Variants in SLC22A24 observed in about 807,000 individuals in gnomAD.
SLC22A24 encodes solute carrier family 22 member 24, also known as steroid transmembrane transporter SLC22A24.
A neutral mutation model predicts 49.8 loss-of-function variants in SLC22A24; 53 were observed. The ratio of observed to expected loss-of-function variants is 1.06; its 90% CI spans 0.85 to 1.34. The LOEUF (loss-of-function observed/expected upper bound fraction) is 1.34. Among genes scored for constraint, SLC22A24 ranks in the 40% most tolerant of loss-of-function variants. SLC22A24 has a pLI of 0.00. For missense variants in SLC22A24, 786 were observed against 675.9 expected (o/e 1.16, Z -1.81); for synonymous variants, 302 against 256.4 (o/e 1.18, Z -1.70).
In SLC22A24 at chr11:63,093,385, A is replaced by G. The variant is rs551413982; in HGVS notation, c.1070+2606T>C. On this transcript the variant is annotated intron_variant, in intron 6 of 9. Coordinates refer to ENST00000612278, the MANE Select transcript of SLC22A24 (RefSeq NM_001136506.2). ...ATAAATCATTCTACCATAAAAACAC[A>G]TGCACACGTATGTTTATTGCAGCAC... Among the ~76,000 whole-genome samples the G allele has an allele frequency of 1.5e-4, 23 of 152,306 alleles. 1 individual carries two copies. In the East Asian group the frequency reaches 4.4e-3, roughly 29 times the overall value.
chr11:63,107,952 C>T (rs1220334523), intron 4 of SLC22A24, among the ~76,000 whole-genome samples: 1 of 152,044 alleles, frequency 6.6e-6, no homozygotes, highest in Non-Finnish European at 1.5e-5. Context: ...TTGCCCTGGC[C>T]AGAACTTCCA....
At chr11:63,090,565 C>A (rs1448396352) in intron 6 of SLC22A24, among the ~76,000 whole-genome samples, 2 of 151,900 alleles carry the variant, frequency 1.3e-5, no homozygotes, top group Admixed American at 6.6e-5. Flanking sequence ...CAAAACCACA[C>A]AACTACGTGG....
chr11:63,118,680 A>T, intron 4 of SLC22A24: 1 of 539,166 alleles, frequency 1.9e-6, no homozygotes, highest in Non-Finnish European at 3.3e-6. Context: ...TCTATTAAGA[A>T]AAATAATTTC....
At chr11:63,143,021 C>T (rs2087426344) in intron 1 of SLC22A24, among the ~76,000 whole-genome samples, 1 of 152,156 alleles carries the variant, frequency 6.6e-6, no homozygotes, top group Non-Finnish European at 1.5e-5. Flanking sequence ...TTTGTCAAAT[C>T]CCAAAGCGTG....
chr11:63,114,852 A>T (rs1447719896), intron 4 of SLC22A24, among the ~76,000 whole-genome samples: 2 of 151,910 alleles, frequency 1.3e-5, no homozygotes, highest in African/African-American at 4.8e-5. Context: ...CTGGAGGTCC[A>T]CTCCAGACCC....
intron 4 of SLC22A24, among the ~76,000 whole-genome samples, chr11:63,109,795 G>A (rs1252683013): frequency 6.6e-6 from 1 of 151,846 alleles, no homozygotes; most frequent in Non-Finnish European, 1.5e-5. Context: ...CATTTTGTAG[G>A]TTGCCTGTTC....
intron 4 of SLC22A24, among the ~76,000 whole-genome samples, chr11:63,118,022 T>A (rs961741316): frequency 6.6e-6 from 1 of 152,204 alleles, no homozygotes; most frequent in Non-Finnish European, 1.5e-5. Context: ...CATTTGTCAG[T>A]AAATATGTTT....
chr11:63,141,109 T>C (rs2134687479), intron 1 of SLC22A24, among the ~76,000 whole-genome samples: 1 of 152,240 alleles, frequency 6.6e-6, no homozygotes, highest in African/African-American at 2.4e-5. Flanking sequence ...TGATTGAAAA[T>C]TGTAAAGCGT....
chr11:63,110,831 A>G (rs1258403784), intron 4 of SLC22A24, among the ~76,000 whole-genome samples: 80 of 141,448 alleles, frequency 5.7e-4, no homozygotes, highest in Non-Finnish European at 1.1e-3. Flanking sequence ...CTAATTGAAT[A>G]CCCTTTATTT....
At chr11:63,119,959 G>A (rs1447028054) in intron 2 of SLC22A24, among the ~76,000 whole-genome samples, 1 of 151,852 alleles carries the variant, frequency 6.6e-6, no homozygotes, top group African/African-American at 2.4e-5. Flanking sequence ...CCCACTTTTT[G>A]ATGGGGTTGT....
Position 63,104,298 on chromosome 11 carries a change from C to A in SLC22A24, c.831G>T (p.Trp277Cys). ...TPIIVLFLSS[W>C]KMVESARWLI... The stretch of plus-strand genomic sequence containing the variant: ...GCCACCGAGCAGACTCCACCATCTT[C>A]CTGATGAAAGAAGACAACATAGGTA... Residue 277 changes from tryptophan (W) to cysteine (C), a missense_variant and splice_region_variant, in exon 5 of 10, where the codon TGG (tryptophan) becomes TGT (cysteine). Transcript: ENST00000612278. 4 of 1,547,828 alleles carry A rather than the reference C, an allele frequency of 2.6e-6. No homozygotes were observed. Among genetic ancestry groups the A allele is most frequent in the Non-Finnish European group, 3.5e-6 (4 of 1,146,158 alleles).
Position 63,134,647 on chromosome 11 carries a change from A to T in SLC22A24, c.506+18T>A. 7.2e-7 allele frequency: 1 copy of T among 1,391,922 alleles called. No individual in the cohort carries two copies. Among genetic ancestry groups the T allele is most frequent in the Non-Finnish European group, 1.0e-6 (1 of 1,002,686 alleles). 86.2% of individuals were successfully genotyped at this position (1,391,922 alleles called of 1,614,324 possible). On this transcript the variant is annotated intron_variant, in intron 2 of 9. Transcript: ENST00000612278. ...ATCATCTGATAAACAGCCCCAAAGA[A>T]AGTGAGATGACACTCACCTGTCTGA... is the stretch of plus-strand genomic sequence containing the variant.
At chr11:63,081,861 A>G (rs1226233334) in intron 7 of SLC22A24, among the ~76,000 whole-genome samples, 195 bp from the exon 8 acceptor site, 1 of 152,248 alleles carries the variant, frequency 6.6e-6, no homozygotes, top group Non-Finnish European at 1.5e-5. Context: ...TAAACATTGA[A>G]TAAAGGATCT....
At chr11:63,105,964 G>A (rs1274878918) in intron 4 of SLC22A24, among the ~76,000 whole-genome samples, 3 of 151,672 alleles carry the variant, frequency 2.0e-5, no homozygotes, top group Non-Finnish European at 4.4e-5. Context: ...AAGTTTTAGG[G>A]TACATGTGCA....
intron 2 of SLC22A24, among the ~76,000 whole-genome samples, chr11:63,132,054 C>A (rs894455121): frequency 1.3e-5 from 2 of 152,152 alleles, no homozygotes; most frequent in African/African-American, 4.8e-5. Flanking sequence ...GATATCCATT[C>A]TTCCACTTGA....
At chr11:63,080,465 C>T (rs1359627602) in intron 9 of SLC22A24, among the ~76,000 whole-genome samples, 1 of 152,144 alleles carries the variant, frequency 6.6e-6, no homozygotes, top group Non-Finnish European at 1.5e-5. Flanking sequence ...GCTGTAGTCC[C>T]ATGATTCTTT....
chr11:63,128,505 C>G (rs1362564320), intron 2 of SLC22A24, among the ~76,000 whole-genome samples: 1 of 152,158 alleles, frequency 6.6e-6, no homozygotes, highest in East Asian at 1.9e-4. Context: ...TATCCGGAGG[C>G]CTAACCATCT....
At chr11:63,105,026 G>A (rs970468985) in intron 4 of SLC22A24, among the ~76,000 whole-genome samples, 3 of 152,186 alleles carry the variant, frequency 2.0e-5, no homozygotes, top group Non-Finnish European at 4.4e-5. Context: ...AAAATGAAGG[G>A]GCTGCAGGCC....
intron 1 of SLC22A24, among the ~76,000 whole-genome samples, chr11:63,142,949 C>T (rs1163948554): frequency 6.6e-6 from 1 of 152,140 alleles, no homozygotes; most frequent in Non-Finnish European, 1.5e-5. Context: ...ACAACCAAAA[C>T]TAAGTATCTC....
Sources: allele counts gnomAD v4.1 joint callset (sites outside exome capture counted in the v4.1 genomes callset), GRCh38; gene constraint gnomAD v4.1.1; transcripts MANE v1.5; gene names NCBI Gene and HGNC (gene_info 2026-07-23, HGNC 2026-07-21).